The following HIGD2B variants were observed in gnomAD, a reference collection of about 807,000 sequenced individuals.
HIGD2B encodes the protein HIG1 hypoxia inducible domain family member 2B, also known as HIG1 domain family member 2B.
For missense variants in HIGD2B, 106 were observed against 67.0 expected (o/e 1.58, Z -2.03); for synonymous variants, 45 against 28.1 (o/e 1.60, Z -1.90).
chr15:72,684,157 G>A (rs927648475), intron 1 of HIGD2B, among the ~76,000 whole-genome samples: 3 of 152,092 alleles, frequency 2.0e-5, no homozygotes, highest in Non-Finnish European at 4.4e-5. Context: ...AAGGGACAAG[G>A]AATTTACTGA....
intron 2 of HIGD2B, among the ~76,000 whole-genome samples, chr15:72,679,060 GAA>G (rs927157696): frequency 7.0e-6 from 1 of 142,740 alleles, no homozygotes; most frequent in Admixed American, 7.0e-5. Flanking sequence ...AAAGAAAAAA[GAA>G]AAAAAAAAGA....
intron 1 of HIGD2B, among the ~76,000 whole-genome samples, chr15:72,680,882 CA>C (rs138011249): frequency 6.8e-6 from 1 of 147,610 alleles, no homozygotes; most frequent in South Asian, 2.2e-4. Flanking sequence ...AATTCTGTCT[CA>C]AAAAAAAACA....
At chr15:72,676,410 T>G (rs774953975) in intron 2 of HIGD2B, 23 bp from the exon 3 acceptor site, 10 of 656,860 alleles carry the variant, frequency 1.5e-5, no homozygotes, top group South Asian at 1.0e-4. Context: ...ATCCTTTGTT[T>G]TTTTTTTTTT....
At chr15:72,677,286 C>T (rs966140850) in intron 2 of HIGD2B, among the ~76,000 whole-genome samples, 40 of 151,738 alleles carry the variant, frequency 2.6e-4, no homozygotes, top group African/African-American at 8.7e-4. Flanking sequence ...AAAAATTAGC[C>T]GGGCATGGTG....
intron 1 of HIGD2B, among the ~76,000 whole-genome samples, chr15:72,685,611 C>T (rs997530291): frequency 1.3e-4 from 20 of 152,238 alleles, no homozygotes; most frequent in African/African-American, 4.8e-4. Context: ...CACTGCCTTG[C>T]AGAAAACGCC....
chr15:72,685,894 G>T lies in HIGD2B; in HGVS notation c.-269C>A. The T allele has an allele frequency of 2.1e-6, 1 of 486,022 alleles. No individual in the cohort carries two copies. 30.1% of individuals were successfully genotyped at this position (486,022 alleles called of 1,614,324 possible). ...TTAAATGCAGATTAGAGTCAGGGCA[G>T]GGTAAGGTGGCGGGAGAACTAGGCT... On this transcript the variant is annotated 5_prime_UTR_variant, in exon 1 of 3. In the 5' UTR this introduces an upstream ATG that the reference lacks. Transcript: ENST00000311755.
intron 2 of HIGD2B, among the ~76,000 whole-genome samples, chr15:72,676,766 T>C (rs2150973945): frequency 6.6e-6 from 1 of 152,210 alleles, no homozygotes; most frequent in South Asian, 2.1e-4. Flanking sequence ...AGGACAAAAT[T>C]ATAGAAATGG....
At chr15:72,684,778 C>T (rs532032978) in intron 1 of HIGD2B, among the ~76,000 whole-genome samples, 4 of 152,070 alleles carry the variant, frequency 2.6e-5, no homozygotes, top group South Asian at 2.1e-4. Context: ...CGTGAGCCAC[C>T]GAGCCCAGCA....
Position 72,676,032 on chromosome 15 carries a change from CA to C in HIGD2B, c.*21del. ...CTCCTGGGTTTTGGAATGATTTCTG[CA>C]GAGTTTTCAAGACCCTGGGCTCAGG... On this transcript the variant is annotated 3_prime_UTR_variant, in exon 3 of 3. Transcript: ENST00000311755. The C allele has an allele frequency of 1.4e-6, 1 of 717,100 alleles. No individual in the cohort carries two copies. Among genetic ancestry groups the C allele is most frequent in the Non-Finnish European group, 2.6e-6 (1 of 391,512 alleles). 44.4% of individuals were successfully genotyped at this position (717,100 alleles called of 1,614,324 possible). A position where few individuals can be genotyped will look rare whatever the true frequency, so the allele number is the denominator to read the frequency against.
chr15:72,681,609 T>G (rs1306230756), intron 1 of HIGD2B, among the ~76,000 whole-genome samples: 2 of 151,094 alleles, frequency 1.3e-5, no homozygotes, highest in East Asian at 1.9e-4. Context: ...ATTTTTTTTT[T>G]TTTTTTTTTT....
At chr15:72,681,902 C>T (rs1409596835) in intron 1 of HIGD2B, among the ~76,000 whole-genome samples, 2 of 151,956 alleles carry the variant, frequency 1.3e-5, no homozygotes, top group African/African-American at 4.8e-5. Flanking sequence ...TGAGCCACCG[C>T]ACTTGGACTC....
intron 1 of HIGD2B, among the ~76,000 whole-genome samples, chr15:72,680,707 C>G (rs979574374): frequency 1.3e-5 from 2 of 151,966 alleles, no homozygotes; most frequent in Non-Finnish European, 2.9e-5. Context: ...GCAAACATGG[C>G]AAAAACCTGT....
At chr15:72,678,356 C>T (rs966550648) in intron 2 of HIGD2B, among the ~76,000 whole-genome samples, 1 of 152,066 alleles carries the variant, frequency 6.6e-6, no homozygotes, top group Non-Finnish European at 1.5e-5. Context: ...AGTTTGGTGG[C>T]ATGATCAAAA....
intron 1 of HIGD2B, among the ~76,000 whole-genome samples, chr15:72,684,348 C>A (rs942513889): frequency 3.3e-5 from 5 of 150,586 alleles, no homozygotes; most frequent in African/African-American, 1.2e-4. Flanking sequence ...GCCCTATGGA[C>A]AGAATATTAC....
At chr15:72,678,734 G>A (rs79893696) in intron 2 of HIGD2B, among the ~76,000 whole-genome samples, 2 of 152,034 alleles carry the variant, frequency 1.3e-5, no homozygotes, top group South Asian at 2.1e-4. Flanking sequence ...GCAGTGGTTC[G>A]CGCCTGTAAT....
In HIGD2B at chr15:72,675,906, C is replaced by A. The variant is rs541827593; in HGVS notation, c.*148G>T. On this transcript the variant is annotated 3_prime_UTR_variant, in exon 3 of 3. Transcript: ENST00000311755. Reference sequence around the variant, plus strand: ...CAGAATCTGGGATTTTTGAAAAAATCTTTCAGTTATGGTTACAGGAAGGGT... The same window carrying A: ...CAGAATCTGGGATTTTTGAAAAAATATTTCAGTTATGGTTACAGGAAGGGT... 7.3e-5 allele frequency: 42 copies of A among 573,930 alleles called. No homozygotes were observed. The South Asian group carries it at 9.0e-4, about 12-fold the overall frequency. The allele number at this position is 573,930 out of a possible 1,614,324, so 35.6% of individuals were successfully genotyped here.
chr15:72,678,008 T>C (rs1399120499), intron 2 of HIGD2B, among the ~76,000 whole-genome samples: 3 of 152,160 alleles, frequency 2.0e-5, no homozygotes, highest in Non-Finnish European at 4.4e-5. Context: ...TTTCCTCAAC[T>C]CATTATTTTC....
chr15:72,682,378 C>A, intron 1 of HIGD2B: 1 of 225,042 alleles, frequency 4.4e-6, no homozygotes, highest in South Asian at 7.7e-5. Context: ...TTCCACACCT[C>A]TGATATGAAG....
At chr15:72,679,067 A>AG (rs1423286903) in intron 2 of HIGD2B, among the ~76,000 whole-genome samples, 1 of 151,928 alleles carries the variant, frequency 6.6e-6, no homozygotes, top group Non-Finnish European at 1.5e-5. Flanking sequence ...AAAGAAAAAA[A>AG]AAAGAAGGAA....
Sources: gnomAD v4.1 joint callset for allele counts (sites outside exome capture counted in the v4.1 genomes callset) on GRCh38, gnomAD v4.1.1 for gene constraint, MANE v1.5 for transcripts, NCBI Gene and HGNC (gene_info 2026-07-23, HGNC 2026-07-21) for gene names.